The following DSC3 variants were observed in gnomAD, a reference collection of about 807,000 sequenced individuals.
The protein encoded by DSC3 is desmocollin-3.
DSC3 carries 97 observed loss-of-function variants against 89.5 expected under a neutral mutation model. That is an observed-to-expected ratio of 1.08 (90% confidence interval 0.92 to 1.28). The LOEUF is 1.28. DSC3 is among the 50% of genes most tolerant of loss of function. The pLI, the probability that DSC3 is intolerant of heterozygous loss-of-function variation, is 0.00. For missense variants in DSC3, 1,199 were observed against 1,085.3 expected (o/e 1.10, Z -1.47); for synonymous variants, 436 against 384.1 (o/e 1.14, Z -1.58).
chr18:31,016,481 T>C lies in DSC3; in HGVS notation c.1263+1590A>G, dbSNP rs77154987. Reference sequence around the variant, plus strand: ...GTTGCAATCACATCAATTCGAAACATATGCCTGTACTACCTAAGTGTTCAG... The same window carrying C: ...GTTGCAATCACATCAATTCGAAACACATGCCTGTACTACCTAAGTGTTCAG... On this transcript the variant is annotated intron_variant, in intron 9 of 15. Transcript: ENST00000360428. 2.3e-3 allele frequency among the ~76,000 whole-genome samples: 347 copies of C among 152,282 alleles called. 1 individual carries two copies. The highest frequency in any genetic ancestry group is 7.8e-3 in the African/African-American group (324 of 41,558).
intron 9 of DSC3, among the ~76,000 whole-genome samples, chr18:31,011,079 A>G (rs1567953743): frequency 6.6e-6 from 1 of 152,224 alleles, no homozygotes; most frequent in Non-Finnish European, 1.5e-5. Flanking sequence ...GCTGTGGAAA[A>G]CAATTTAACA....
chr18:31,010,321 C>T (rs748778173), intron 9 of DSC3, among the ~76,000 whole-genome samples: 3 of 152,160 alleles, frequency 2.0e-5, no homozygotes, highest in Non-Finnish European at 4.4e-5. Flanking sequence ...ATTTCATGTG[C>T]TGGTGTGATC....
At chr18:30,996,329 A>T (rs1371125978) in intron 15 of DSC3, among the ~76,000 whole-genome samples, 2 of 152,170 alleles carry the variant, frequency 1.3e-5, no homozygotes, top group Admixed American at 1.3e-4. Flanking sequence ...CCCCATAAAC[A>T]TATACAATTA....
In DSC3 at chr18:31,024,536, G is replaced by A. The variant is rs142579061; in HGVS notation, c.631-43C>T. The A allele has an allele frequency of 3.4e-4, 550 of 1,596,978 alleles. 6 individuals carry two copies. In the East Asian group the frequency reaches 0.01, roughly 30 times the overall value. On this transcript the variant is annotated intron_variant, in intron 5 of 15. Coordinates refer to ENST00000360428, the MANE Select transcript of DSC3 (RefSeq NM_001941.5). ...GAAAGTTCCATTAATATCAGATCCC[G>A]GCAAGACAGAATAAGATGCTTTATC...
chr18:31,035,380 C>T (rs1476055588), intron 1 of DSC3, among the ~76,000 whole-genome samples: 1 of 151,786 alleles, frequency 6.6e-6, no homozygotes, highest in Non-Finnish European at 1.5e-5. Context: ...TATAATAAGC[C>T]AAGAAATCAT....
chr18:30,996,111 C>G (rs1268030419), intron 15 of DSC3, among the ~76,000 whole-genome samples: 12 of 150,760 alleles, frequency 8.0e-5, no homozygotes, highest in Admixed American at 7.3e-4. Context: ...AATAAAAGCA[C>G]TTTACATTCG....
chr18:31,027,694 G>A (rs1598548653), intron 4 of DSC3, among the ~76,000 whole-genome samples: 1 of 152,224 alleles, frequency 6.6e-6, no homozygotes, highest in Middle Eastern at 3.4e-3. Flanking sequence ...TCAGAATAAT[G>A]TCTTCTCTAT....
rs1205538069 is a variant in DSC3, at chr18:31,029,872, T to C, written c.355-244A>G. Among the ~76,000 whole-genome samples, 5 of 152,204 alleles carry C rather than the reference T, an allele frequency of 3.3e-5. No individual in the cohort carries two copies. In the East Asian group the frequency reaches 9.6e-4, roughly 29 times the overall value. On this transcript the variant is annotated intron_variant, in intron 3 of 15. Coordinates refer to ENST00000360428, the MANE Select transcript of DSC3 (RefSeq NM_001941.5). Reference sequence around the variant, plus strand: ...TTGTATACCATTCTAACACTGACTATACTTTCATGTTAGGAAAATCACCAC... The same window carrying C: ...TTGTATACCATTCTAACACTGACTACACTTTCATGTTAGGAAAATCACCAC...
chr18:31,018,991 A>T (rs1212291164), intron 7 of DSC3, among the ~76,000 whole-genome samples, 191 bp from the exon 8 acceptor site: 1 of 152,256 alleles, frequency 6.6e-6, no homozygotes, highest in Admixed American at 6.5e-5. Flanking sequence ...GCAGGCAGAG[A>T]TTAAATTACA....
At position 30,996,843 on chromosome 18, in the gene DSC3, C is replaced by T. The variant is rs1354408804; in HGVS notation, c.2441G>A (p.Cys814Tyr). Residue 814 changes from cysteine (C) to tyrosine (Y), a missense_variant, in exon 15 of 16, where the codon TGC becomes TAC. By Grantham distance (194) the Cys-to-Tyr change is radical. Coordinates refer to ENST00000360428, the MANE Select transcript of DSC3 (RefSeq NM_001941.5). The stretch of plus-strand genomic sequence containing the variant: ...GTGCCACTCCGAGTAAGTGTATCTG[C>T]AGTTGTCCACCTCCGTGTGTCCTCC... Reference protein sequence around the residue: ...CRGGHTEVDNCRYTYSEWHSF... With the variant: ...CRGGHTEVDNYRYTYSEWHSF... 14 of 1,613,740 alleles carry T rather than the reference C, an allele frequency of 8.7e-6. No individual in the cohort carries two copies. Among genetic ancestry groups the T allele is most frequent in the Non-Finnish European group, 1.1e-5 (13 of 1,180,018 alleles).
intron 1 of DSC3, among the ~76,000 whole-genome samples, chr18:31,039,296 G>A (rs1160392575): frequency 6.6e-6 from 1 of 152,044 alleles, no homozygotes; most frequent in Non-Finnish European, 1.5e-5. Context: ...AATTAAAGGT[G>A]TTATCTGCAG....
At chr18:31,025,518 C>A (rs889765511) in intron 5 of DSC3, among the ~76,000 whole-genome samples, 1 of 152,076 alleles carries the variant, frequency 6.6e-6, no homozygotes, top group Admixed American at 6.6e-5. Flanking sequence ...ACATTTACAT[C>A]GAAATACTTT....
intron 5 of DSC3, 22 bp from the exon 6 acceptor site, chr18:31,024,515 G>C (rs1475556357): frequency 6.2e-7 from 1 of 1,609,402 alleles, no homozygotes; most frequent in African/African-American, 1.3e-5. Flanking sequence ...CAAAAAGAAA[G>C]TTCCATTAAT....
rs762407271 is a variant in DSC3 at position 31,008,555 on chromosome 18, T to C, written c.1264-30A>G. On this transcript the variant is annotated intron_variant, in intron 9 of 15. Transcript: ENST00000360428. ...AAAATAAAGTCCATGTATATCAGTG[T>C]CAGTGTAAAATACATCTGGCATTTC... 16 of 1,612,326 alleles carry C rather than the reference T, an allele frequency of 9.9e-6. 1 individual carries two copies. The South Asian group carries it at 1.6e-4, about 17-fold the overall frequency.
At chr18:31,015,963 G>A (rs969737493) in intron 9 of DSC3, among the ~76,000 whole-genome samples, 13 of 152,108 alleles carry the variant, frequency 8.5e-5, no homozygotes, top group African/African-American at 3.1e-4. Flanking sequence ...AAGAAGATGA[G>A]GACAGAGACC....
chr18:31,016,254 C>T (rs1985233205), intron 9 of DSC3, among the ~76,000 whole-genome samples: 1 of 152,164 alleles, frequency 6.6e-6, no homozygotes, highest in Non-Finnish European at 1.5e-5. Context: ...AGCAGCCCTG[C>T]TCTGTCTGTG....
chr18:31,042,042 C>A (rs544882187), intron 1 of DSC3, among the ~76,000 whole-genome samples: 2 of 152,214 alleles, frequency 1.3e-5, no homozygotes, highest in South Asian at 2.1e-4. Context: ...TTCTGAATAC[C>A]CTTTAGGGGA....
rs1427956783 is a variant in DSC3, at chr18:31,007,073, T to C, written c.1722A>G (p.Pro574=). The C allele has an allele frequency of 2.5e-6, 4 of 1,613,848 alleles. No individual in the cohort carries two copies. The African/African-American group carries it at 5.3e-5, about 22-fold the overall frequency. ...AVNIEDVNDN[P]PEILQEYVVI... is the part of the protein sequence containing the mutation. ...CTACATATTCTTGAAGTATTTCTGG[T>C]GGATTATCATTTACATCTTCAATGT... Residue 574 remains proline, a synonymous_variant, in exon 12 of 16, where the codon CCA becomes CCG. Transcript: ENST00000360428.
intron 1 of DSC3, among the ~76,000 whole-genome samples, chr18:31,037,947 A>G (rs1986024324): frequency 1.3e-5 from 2 of 151,974 alleles, no homozygotes; most frequent in African/African-American, 2.4e-5. Flanking sequence ...TATGAATTCT[A>G]TGAATTCTTT....
Sources: allele counts gnomAD v4.1 joint callset (sites outside exome capture counted in the v4.1 genomes callset), GRCh38; gene constraint gnomAD v4.1.1; transcripts MANE v1.5; gene names NCBI Gene and HGNC (gene_info 2026-07-23, HGNC 2026-07-21).